Variants in GALNS observed in about 807,000 individuals in gnomAD.
GALNS encodes N-acetylgalactosamine-6-sulfatase.
A neutral mutation model predicts 65.9 loss-of-function variants in GALNS; 65 were observed. That is an observed-to-expected ratio of 0.99 (90% CI 0.81 to 1.21). The LOEUF is 1.21. Among genes scored for constraint, GALNS ranks in the 50% most tolerant of loss-of-function variants. The pLI is 0.00. For missense variants in GALNS, 776 were observed against 700.7 expected, an observed-to-expected ratio of 1.11 and a Z score of -1.21; for synonymous variants, 346 against 288.9, an observed-to-expected ratio of 1.20 and a Z score of -2.00.
intron 3 of GALNS, among the ~76,000 whole-genome samples, 200 bp from the exon 4 acceptor site, chr16:88,841,294 G>A (rs1459839881): frequency 6.6e-6 from 1 of 152,176 alleles, no homozygotes; most frequent in Admixed American, 6.5e-5. Flanking sequence ...CAGAGCCAGT[G>A]CCATCACCAG....
At chr16:88,849,281 A>C (rs773044387) in intron 1 of GALNS, among the ~76,000 whole-genome samples, 34 of 151,704 alleles carry the variant, frequency 2.2e-4, no homozygotes, top group Non-Finnish European at 4.1e-4. Context: ...TGCCCAGTTA[A>C]TTATTATTAT....
In GALNS at chr16:88,843,464, G is replaced by A. The variant is rs551136930; in HGVS notation, c.121-635C>T. 7.1e-4 allele frequency: 245 copies of A among 346,610 alleles called. 1 individual carries two copies. The highest frequency in any genetic ancestry group is 4.6e-3 in the African/African-American group (217 of 46,736). The allele number at this position is 346,610 out of a possible 1,614,324, so 21.5% of individuals were successfully genotyped here. On this transcript the variant is annotated intron_variant, in intron 1 of 13. Coordinates refer to ENST00000268695, the MANE Select transcript of GALNS (RefSeq NM_000512.5). ...CGGCAGACGACAAAGTGCGGCCGGC[G>A]TGTACTACGTGGGTGTGGCCACATT...
chr16:88,849,669 C>T (rs1258659649), intron 1 of GALNS, among the ~76,000 whole-genome samples: 3 of 152,178 alleles, frequency 2.0e-5, no homozygotes, highest in Non-Finnish European at 2.9e-5. Context: ...AGCAGTCCAC[C>T]CGCCTCCACC....
At chr16:88,822,535 G>A (rs1910340891) in intron 12 of GALNS, 54 bp downstream of exon 12, 1 of 1,607,336 alleles carries the variant, frequency 6.2e-7, no homozygotes, top group African/African-American at 1.3e-5. Context: ...GCCTGCATTT[G>A]GGGGAGTCCG....
In GALNS at chr16:88,841,056, A is replaced by G. The variant is rs1966945050; in HGVS notation, c.358T>C (p.Ser120Pro). Residue 120 changes from serine to proline, a missense_variant, in exon 4 of 14, where the codon TCG (serine) becomes CCG (proline). Physicochemically the swap from Ser to Pro is moderately conservative, Grantham distance 74 (BLOSUM62 -1). Transcript: ENST00000268695. ...AGAAGCTCCGGCAGGAGCTGCTCCG[A>G]GTCTGGGATGCCGCCCACAATCTCC... Reference protein sequence around the residue: ...PQEIVGGIPDSEQLLPELLKK... With the variant: ...PQEIVGGIPDPEQLLPELLKK... 1 of 1,613,156 alleles carries G rather than the reference A, an allele frequency of 6.2e-7. No homozygotes were observed. Among genetic ancestry groups the G allele is most frequent in the Non-Finnish European group, 8.5e-7 (1 of 1,179,974 alleles).
chr16:88,814,617 A>G, intron 13 of GALNS, 92 bp from the exon 14 acceptor site: 1 of 1,540,752 alleles, frequency 6.5e-7, no homozygotes, highest in Admixed American at 2.0e-5. Context: ...CTGTTCTGAG[A>G]CAGTCTCACT....
Position 88,818,076 on chromosome 16 carries a change from G to C in GALNS, c.1413C>G (p.Val471=), listed in dbSNP as rs73251084. Residue 471 remains valine (V), a synonymous_variant, in exon 13 of 14, where the codon GTC becomes GTG. Coordinates refer to ENST00000268695, the MANE Select transcript of GALNS (RefSeq NM_000512.5). ...YQEALSRITS[V]VQQHQEALVP... ...CCAAGGCCTCCTGGTGCTGCTGGACGACCGAGGTGATCCTGCTGAGGGCCT... is the reference window on the plus strand; with the variant it reads ...CCAAGGCCTCCTGGTGCTGCTGGACCACCGAGGTGATCCTGCTGAGGGCCT... 2 of 1,574,330 alleles carry C rather than the reference G, an allele frequency of 1.3e-6. No homozygotes were observed. The highest frequency in any genetic ancestry group is 1.7e-6 in the Non-Finnish European group (2 of 1,166,002).
chr16:88,817,678 C>T (rs761558012), intron 13 of GALNS, among the ~76,000 whole-genome samples: 21 of 152,172 alleles, frequency 1.4e-4, no homozygotes, highest in Admixed American at 4.6e-4. Flanking sequence ...CCCTCTCACG[C>T]GCCCTGCTGT....
chr16:88,847,833 C>T (rs904184593), intron 1 of GALNS, among the ~76,000 whole-genome samples: 7 of 152,246 alleles, frequency 4.6e-5, no homozygotes, highest in African/African-American at 1.4e-4. Context: ...CGCCCGGCAG[C>T]GCCTCCCTGG....
intron 1 of GALNS, chr16:88,856,103 G>C: frequency 1.4e-6 from 1 of 694,592 alleles, no homozygotes; most frequent in South Asian, 1.5e-5. Flanking sequence ...CCCACAAGGA[G>C]TTAGGGAAGG....
chr16:88,838,699 G>T (rs547426166), intron 4 of GALNS: 1 of 152,338 alleles, frequency 6.6e-6, no homozygotes, highest in Non-Finnish European at 1.5e-5. Context: ...TCCAGCTTGC[G>T]GCTGCTCTTC....
At chr16:88,835,492 C>T (rs1356250223) in intron 7 of GALNS, 140 bp from the exon 8 acceptor site, 1 of 1,296,180 alleles carries the variant, frequency 7.7e-7, no homozygotes, top group Non-Finnish European at 1.1e-6. Context: ...GGCCTCTTCC[C>T]AGAAGAGGAA....
chr16:88,827,437 GCTT>G (rs1484966065), intron 9 of GALNS, among the ~76,000 whole-genome samples: 3 of 152,136 alleles, frequency 2.0e-5, no homozygotes, highest in East Asian at 3.8e-4. Flanking sequence ...GGCCCTGTCT[GCTT>G]CTTGTTTTTT....
chr16:88,842,229 G>C (rs892927338), intron 2 of GALNS: 3 of 598,506 alleles, frequency 5.0e-6, no homozygotes, highest in African/African-American at 3.7e-5. Context: ...CCTTTCGCAG[G>C]CTCCTGGGAC....
rs1424627227 is a variant in GALNS, at chr16:88,832,243, C to T, written c.899-142G>A. ...TCTGGCTGGAGTGCATGATCCGAGCCTCGGGGTGGCTCTCCAGGGGCTCAT... is the reference window on the plus strand; with the variant it reads ...TCTGGCTGGAGTGCATGATCCGAGCTTCGGGGTGGCTCTCCAGGGGCTCAT... On this transcript the variant is annotated intron_variant, in intron 8 of 13. Transcript: ENST00000268695. 7.8e-6 allele frequency: 6 copies of T among 766,510 alleles called. No homozygotes were observed. The East Asian group carries it at 8.1e-5, about 10-fold the overall frequency. The allele number at this position is 766,510 out of a possible 1,614,324, so 47.5% of individuals were successfully genotyped here.
In GALNS at chr16:88,814,382, C is replaced by A; in HGVS notation, c.*57G>T. The A allele has an allele frequency of 6.5e-7, 1 of 1,548,410 alleles. No homozygotes were observed. Among genetic ancestry groups the A allele is most frequent in the Admixed American group, 2.0e-5 (1 of 51,018 alleles). On this transcript the variant is annotated 3_prime_UTR_variant, in exon 14 of 14. Transcript: ENST00000268695. Reference sequence around the variant, plus strand: ...GACCGAGGCCAGAGCCATCCTTCCTCCAGGCACTTGCAGGGCCAACCGGAG... The same window carrying A: ...GACCGAGGCCAGAGCCATCCTTCCTACAGGCACTTGCAGGGCCAACCGGAG...
intron 1 of GALNS, among the ~76,000 whole-genome samples, chr16:88,853,568 A>G (rs1007136698): frequency 6.6e-6 from 1 of 151,874 alleles, no homozygotes; most frequent in Admixed American, 6.6e-5. Flanking sequence ...CCTTAACCCT[A>G]TTTTCCAAAT....
rs796495288 is a variant in GALNS at position 88,823,742 on chromosome 16, G to A, written c.1242+1025C>T. ...ACGGCCCTCGCAGGCGGCAATGCCC[G>A]GGGAACGATGCCCAGGACGGCCCTC... On this transcript the variant is annotated intron_variant, in intron 11 of 13. Coordinates refer to ENST00000268695, the MANE Select transcript of GALNS (RefSeq NM_000512.5). Among the ~76,000 whole-genome samples the A allele has an allele frequency of 5.0e-4, 72 of 145,206 alleles. 4 individuals are homozygous for A. The highest frequency in any genetic ancestry group is 1.8e-3 in the African/African-American group (70 of 38,140).
At chr16:88,849,665 C>A (rs952740810) in intron 1 of GALNS, among the ~76,000 whole-genome samples, 7 of 152,176 alleles carry the variant, frequency 4.6e-5, no homozygotes, top group Non-Finnish European at 1.0e-4. Context: ...CTCAAGCAGT[C>A]CACCCGCCTC....
Sources: allele counts gnomAD v4.1 joint callset (sites outside exome capture counted in the v4.1 genomes callset), GRCh38; gene constraint gnomAD v4.1.1; transcripts MANE v1.5; gene names NCBI Gene and HGNC (gene_info 2026-07-23, HGNC 2026-07-21).